The following LPIN2 variants were observed in gnomAD, a reference collection of about 807,000 sequenced individuals.
The protein encoded by LPIN2 is lipin 2.
LPIN2 carries 55 observed loss-of-function variants against 111.4 expected under a neutral mutation model. That is an observed-to-expected ratio of 0.49 (90% CI 0.40 to 0.62). The LOEUF is 0.62. Ranked by LOEUF, LPIN2 falls within the 20% of genes least tolerant of loss-of-function variation. The pLI is 0.00. For missense variants in LPIN2, 992 were observed against 1,112.1 expected, an observed-to-expected ratio of 0.89 and a Z score of 1.54; for synonymous variants, 425 against 414.0, an observed-to-expected ratio of 1.03 and a Z score of -0.32.
chr18:2,928,569 A>G (rs2077169472), intron 11 of LPIN2, 22 bp downstream of exon 11: 4 of 1,613,156 alleles, frequency 2.5e-6, no homozygotes, highest in Non-Finnish European at 3.4e-6. Context: ...TCGGAAAGGC[A>G]GCAGATGGTG....
intron 1 of LPIN2, among the ~76,000 whole-genome samples, chr18:3,002,267 A>G (rs1262440737): frequency 6.6e-6 from 1 of 150,798 alleles, no homozygotes; most frequent in East Asian, 1.9e-4. Context: ...AACCCACCAT[A>G]ACAACATAGG....
At chr18:2,932,252 T>C (rs1347294243) in intron 8 of LPIN2, among the ~76,000 whole-genome samples, 1 of 152,164 alleles carries the variant, frequency 6.6e-6, no homozygotes, top group Non-Finnish European at 1.5e-5. Context: ...AATGTCACAT[T>C]TGAGATATTG....
At chr18:2,999,011 A>C (rs990822349) in intron 1 of LPIN2, among the ~76,000 whole-genome samples, 3 of 152,244 alleles carry the variant, frequency 2.0e-5, no homozygotes, top group African/African-American at 7.2e-5. Flanking sequence ...TTACTTCCTA[A>C]GAGTTTCTTT....
chr18:2,947,809 T>C (rs1193644561), intron 4 of LPIN2, among the ~76,000 whole-genome samples: 1 of 152,222 alleles, frequency 6.6e-6, no homozygotes, highest in Non-Finnish European at 1.5e-5. Flanking sequence ...GCAAAAGCAA[T>C]TGATTTCCTT....
At chr18:2,935,354 C>A (rs972140585) in intron 7 of LPIN2, among the ~76,000 whole-genome samples, 2 of 152,086 alleles carry the variant, frequency 1.3e-5, no homozygotes, top group African/African-American at 4.8e-5. Flanking sequence ...AGTTCTAGAG[C>A]TAACTCCCAG....
chr18:3,001,977 C>G (rs2078441251), intron 1 of LPIN2, among the ~76,000 whole-genome samples: 1 of 152,098 alleles, frequency 6.6e-6, no homozygotes, highest in Non-Finnish European at 1.5e-5. Context: ...CTTTCCAACT[C>G]TCAGGATCAG....
chr18:3,010,098 G>T (rs879835203), intron 1 of LPIN2, among the ~76,000 whole-genome samples: 2 of 152,204 alleles, frequency 1.3e-5, no homozygotes, highest in Admixed American at 6.5e-5. Context: ...CTACACATGG[G>T]TTGCCACTGA....
At chr18:2,939,359 G>C in intron 6 of LPIN2, 121 bp downstream of exon 6, 2 of 1,152,446 alleles carry the variant, frequency 1.7e-6, no homozygotes, top group Non-Finnish European at 2.6e-6. Context: ...ATGACATGAG[G>C]GCACTATCAT....
chr18:2,993,908 G>A (rs1402589414), intron 1 of LPIN2, among the ~76,000 whole-genome samples: 1 of 152,144 alleles, frequency 6.6e-6, no homozygotes, highest in South Asian at 2.1e-4. Flanking sequence ...TGTGCTCTGA[G>A]GATCCGATGG....
chr18:2,954,573 T>A lies in LPIN2; in HGVS notation c.219A>T (p.Ala73=). Residue 73 remains alanine, a synonymous_variant, in exon 3 of 20, where the codon GCA becomes GCT. Transcript: ENST00000677752. ...CACCCAACTTCATGTGAAGATCCAC[T>A]GCACTGCCGTTGATTTCTATATCAA... ...KVIDIEINGS[A]VDLHMKLGDN... 1.9e-6 allele frequency: 3 copies of A among 1,613,228 alleles called. No homozygotes were observed. The highest frequency in any genetic ancestry group is 2.5e-6 in the Non-Finnish European group (3 of 1,179,124).
chr18:2,949,225 G>A (rs983796263), intron 4 of LPIN2, among the ~76,000 whole-genome samples: 3 of 152,158 alleles, frequency 2.0e-5, no homozygotes, highest in Admixed American at 6.5e-5. Context: ...GGAAGGAAAA[G>A]GACAGGAAGA....
Position 2,946,695 on chromosome 18 carries a change from TG to T in LPIN2, c.590+4359del. ...AAATAAATAGCCTGAATTATTTATG[TG>T]GGATAAATTATAGGTGCAACATGAA... On this transcript the variant is annotated intron_variant, in intron 4 of 19. Coordinates refer to ENST00000677752, the MANE Select transcript of LPIN2 (RefSeq NM_001375808.2). 2 of 614,210 alleles carry T rather than the reference TG, an allele frequency of 3.3e-6. 1 individual carries two copies. The highest frequency in any genetic ancestry group is 3.9e-5 in the South Asian group (2 of 51,406). The allele number at this position is 614,210 out of a possible 1,614,324, so 38.0% of individuals were successfully genotyped here.
intron 12 of LPIN2, among the ~76,000 whole-genome samples, chr18:2,927,200 T>G (rs890353791): frequency 6.6e-6 from 1 of 152,210 alleles, no homozygotes; most frequent in African/African-American, 2.4e-5. Flanking sequence ...ACTTCCCTTC[T>G]GACATTTGAA....
At chr18:3,005,314 T>C (rs2078495895) in intron 1 of LPIN2, among the ~76,000 whole-genome samples, 1 of 150,724 alleles carries the variant, frequency 6.6e-6, no homozygotes, top group Non-Finnish European at 1.5e-5. Context: ...CGTGCATCAC[T>C]GCACTCCTGC....
chr18:2,997,135 C>A (rs1222365337), intron 1 of LPIN2, among the ~76,000 whole-genome samples: 3 of 152,030 alleles, frequency 2.0e-5, no homozygotes, highest in Non-Finnish European at 4.4e-5. Context: ...GTACCCACCC[C>A]CACGCCTGGC....
chr18:2,953,470 A>C (rs2077567299), intron 3 of LPIN2, among the ~76,000 whole-genome samples: 1 of 152,204 alleles, frequency 6.6e-6, no homozygotes, highest in African/African-American at 2.4e-5. Flanking sequence ...TACAAAGATA[A>C]GTAATGAAGA....
intron 3 of LPIN2, among the ~76,000 whole-genome samples, chr18:2,953,969 TAGA>T (rs1468342866): frequency 1.3e-5 from 2 of 152,348 alleles, no homozygotes; most frequent in East Asian, 3.9e-4. Context: ...GCTCGTTTGC[TAGA>T]AGAAGTCAAA....
In LPIN2 at chr18:2,937,572, G is replaced by T. The variant is rs868816773; in HGVS notation, c.1168+120C>A. 944 of 423,166 alleles carry T rather than the reference G, an allele frequency of 2.2e-3. 1 individual carries two copies. The highest frequency in any genetic ancestry group is 3.3e-3 in the Non-Finnish European group (788 of 238,132). The allele number at this position is 423,166 out of a possible 1,614,324, so 26.2% of individuals were successfully genotyped here. Reference sequence around the variant, plus strand: ...AAAAAAAAAAAAAAAAAAAAAAAAAGTGCGACGGGTTTCGACTGGTGAATA... The same window carrying T: ...AAAAAAAAAAAAAAAAAAAAAAAAATTGCGACGGGTTTCGACTGGTGAATA... On this transcript the variant is annotated intron_variant, in intron 7 of 19. Coordinates refer to ENST00000677752, the MANE Select transcript of LPIN2 (RefSeq NM_001375808.2).
intron 7 of LPIN2, among the ~76,000 whole-genome samples, chr18:2,934,924 G>T (rs2077264999): frequency 6.6e-6 from 1 of 152,216 alleles, no homozygotes; most frequent in Non-Finnish European, 1.5e-5. Flanking sequence ...CTTCACAATG[G>T]ATAGATGTGG....
Sources: gnomAD v4.1 joint callset for allele counts (sites outside exome capture counted in the v4.1 genomes callset) on GRCh38, gnomAD v4.1.1 for gene constraint, MANE v1.5 for transcripts, NCBI Gene and HGNC (gene_info 2026-07-23, HGNC 2026-07-21) for gene names.